Variants in THADA observed in about 807,000 individuals in gnomAD.
THADA encodes the protein tRNA (32-2'-O)-methyltransferase regulator THADA.
THADA carries 213 observed loss-of-function variants against 219.8 expected under a neutral mutation model. That is an observed-to-expected ratio of 0.97 (90% CI 0.87 to 1.09). The LOEUF (loss-of-function observed/expected upper bound fraction) is 1.09. Among genes scored for constraint, THADA ranks in the 50% least tolerant of loss-of-function variants. The probability of loss-of-function intolerance (pLI) is 0.00; values close to 1 mark genes in which losing one functional copy is unlikely to be tolerated. For missense variants in THADA, 2,956 were observed against 2,311.3 expected (o/e 1.28, Z -5.72); for synonymous variants, 1,018 against 828.9 (o/e 1.23, Z -3.92).
chr2:43,363,259 G>C (rs553296978), intron 29 of THADA, among the ~76,000 whole-genome samples: 6 of 152,146 alleles, frequency 3.9e-5, no homozygotes, highest in Admixed American at 1.3e-4. Flanking sequence ...GACTGGCAGC[G>C]GAACAGGTTT....
chr2:43,274,833 T>C (rs1672531658), intron 36 of THADA, among the ~76,000 whole-genome samples: 1 of 152,030 alleles, frequency 6.6e-6, no homozygotes, highest in African/African-American at 2.4e-5. Flanking sequence ...AGGTCTTACA[T>C]ATTTTCTTTC....
At chr2:43,500,778 CTT>C (rs1419528390) in intron 24 of THADA, among the ~76,000 whole-genome samples, 1 of 152,082 alleles carries the variant, frequency 6.6e-6, no homozygotes, top group East Asian at 1.9e-4. Flanking sequence ...TTAAAACAAA[CTT>C]AGCATTATTT....
chr2:43,543,307 C>T (rs888530529), intron 20 of THADA, among the ~76,000 whole-genome samples: 3 of 138,270 alleles, frequency 2.2e-5, no homozygotes, highest in African/African-American at 8.5e-5. Flanking sequence ...CAAGTCTTTG[C>T]TATTGTGAAT....
chr2:43,261,216 CTTTTTTTTTTT>C (rs1181680289), intron 36 of THADA, among the ~76,000 whole-genome samples: 9 of 77,160 alleles, frequency 1.2e-4, no homozygotes, highest in Non-Finnish European at 1.7e-4. Context: ...TTGTGCATTT[CTTTTTTTTTTT>C]TTTTTTTTTT....
chr2:43,328,589 T>TA (rs1679603779), intron 30 of THADA, among the ~76,000 whole-genome samples: 1 of 152,208 alleles, frequency 6.6e-6, no homozygotes, highest in Non-Finnish European at 1.5e-5. Flanking sequence ...CGTGAGCTGT[T>TA]AGTCTGTCCA....
At chr2:43,273,357 G>A (rs146081885) in intron 36 of THADA, among the ~76,000 whole-genome samples, 1 of 152,084 alleles carries the variant, frequency 6.6e-6, no homozygotes, top group Non-Finnish European at 1.5e-5. Flanking sequence ...CTTGGAGATA[G>A]GTAGGAGGAT....
At chr2:43,505,517 G>A in intron 24 of THADA, 105 bp downstream of exon 24, 5 of 793,746 alleles carry the variant, frequency 6.3e-6, no homozygotes, top group South Asian at 1.9e-5. Context: ...TCGCGCCACT[G>A]TACTCCAGCC....
intron 26 of THADA, among the ~76,000 whole-genome samples, chr2:43,474,113 G>A (rs1034382319): frequency 2.0e-5 from 3 of 152,214 alleles, no homozygotes; most frequent in Non-Finnish European, 2.9e-5. Context: ...ACAGGTAGGA[G>A]AGGCATATCA....
chr2:43,272,312 G>C (rs942843521), intron 36 of THADA, among the ~76,000 whole-genome samples: 1 of 152,178 alleles, frequency 6.6e-6, no homozygotes, highest in African/African-American at 2.4e-5. Context: ...AGAGTTCTGA[G>C]CAGAAGAGCA....
intron 22 of THADA, among the ~76,000 whole-genome samples, chr2:43,510,660 T>TAAA (rs397729303): frequency 6.5e-5 from 8 of 122,372 alleles, no homozygotes; most frequent in Admixed American, 8.7e-5. Context: ...TTCTTCACTG[T>TAAA]AAAAAAAAAA....
intron 26 of THADA, among the ~76,000 whole-genome samples, chr2:43,441,366 T>C (rs1281331318): frequency 6.6e-6 from 1 of 152,204 alleles, no homozygotes; most frequent in Non-Finnish European, 1.5e-5. Flanking sequence ...GAGCATCATC[T>C]CAACTCTGCA....
Position 43,370,798 on chromosome 2 carries a change from G to C in THADA, c.4228-26561C>G, listed in dbSNP as rs544442739. ...AAGTAATGAATGGTCTGAATAATGA[G>C]ATTCATCCCTGAAACTCAGTAGATT... On this transcript the variant is annotated intron_variant, in intron 29 of 37. Coordinates refer to ENST00000405975, the MANE Select transcript of THADA (RefSeq NM_022065.5). 5.9e-5 allele frequency among the ~76,000 whole-genome samples: 9 copies of C among 152,272 alleles called. No homozygotes were observed. In the South Asian group the frequency reaches 1.9e-3, roughly 32 times the overall value.
At chr2:43,369,677 T>A (rs1232525625) in intron 29 of THADA, among the ~76,000 whole-genome samples, 4 of 152,138 alleles carry the variant, frequency 2.6e-5, no homozygotes, top group Non-Finnish European at 5.9e-5. Context: ...CACTTGGGAA[T>A]CCATATCCTC....
At chr2:43,273,144 G>T (rs188131978) in intron 36 of THADA, among the ~76,000 whole-genome samples, 1,659 of 152,080 alleles carry the variant, frequency 0.011, 21 homozygotes, top group African/African-American at 0.038. Context: ...AGCTACTCAG[G>T]AGGCTGAGGC....
chr2:43,508,544 T>A, intron 23 of THADA, 104 bp downstream of exon 23: 1 of 1,132,150 alleles, frequency 8.8e-7, no homozygotes, highest in Non-Finnish European at 1.2e-6. Flanking sequence ...AAGACAGAAA[T>A]GTCCTTTATG....
At chr2:43,282,714 C>T (rs1163725947) in intron 35 of THADA, among the ~76,000 whole-genome samples, 1 of 152,014 alleles carries the variant, frequency 6.6e-6, no homozygotes, top group Non-Finnish European at 1.5e-5. Flanking sequence ...AAAAGCAAAA[C>T]AAAAAACAAA....
intron 26 of THADA, among the ~76,000 whole-genome samples, chr2:43,475,584 T>C (rs570564253): frequency 1.3e-5 from 2 of 152,302 alleles, no homozygotes; most frequent in South Asian, 4.1e-4. Context: ...TTGTTAGAGA[T>C]TAGCTCTGAA....
At chr2:43,564,550 C>T (rs1171965175) in intron 15 of THADA, 3 of 152,232 alleles carry the variant, frequency 2.0e-5, no homozygotes, top group African/African-American at 7.2e-5. Flanking sequence ...CTAGAATTAT[C>T]TCACCTCAAG....
At chr2:43,311,491 T>C (rs1225857813) in intron 31 of THADA, among the ~76,000 whole-genome samples, 1 of 152,228 alleles carries the variant, frequency 6.6e-6, no homozygotes, top group Non-Finnish European at 1.5e-5. Context: ...AGTTGGCATA[T>C]GGCCCAGACA....
Sources: gnomAD v4.1 joint callset for allele counts (sites outside exome capture counted in the v4.1 genomes callset) on GRCh38, gnomAD v4.1.1 for gene constraint, MANE v1.5 for transcripts, NCBI Gene and HGNC (gene_info 2026-07-23, HGNC 2026-07-21) for gene names.